ARHGAP32: variants seen among roughly 807,000 people sequenced by gnomAD.
The protein encoded by ARHGAP32 is rho GTPase-activating protein 32.
In ARHGAP32, 51 loss-of-function variants were observed where a neutral mutation model predicts 186.5. That is an observed-to-expected ratio of 0.27 (90% CI 0.22 to 0.35). The LOEUF (loss-of-function observed/expected upper bound fraction) is 0.35. Among genes scored for constraint, ARHGAP32 ranks in the 10% least tolerant of loss-of-function variants. The pLI is 1.00. For missense variants in ARHGAP32, 2,186 were observed against 2,623.5 expected (o/e 0.83, Z 3.64); for synonymous variants, 950 against 964.3 (o/e 0.99, Z 0.27).
intron 2 of ARHGAP32, among the ~76,000 whole-genome samples, chr11:129,131,647 G>C (rs1264146937): frequency 1.3e-5 from 2 of 152,098 alleles, no homozygotes; most frequent in Non-Finnish European, 2.9e-5. Flanking sequence ...CCTTCCCCAT[G>C]ATCCCATCAC....
chr11:129,007,695 G>T (rs571766520), intron 11 of ARHGAP32, among the ~76,000 whole-genome samples: 1 of 152,154 alleles, frequency 6.6e-6, no homozygotes, highest in Non-Finnish European at 1.5e-5. Context: ...GGGGAGAGGT[G>T]GCACAAGCAC....
chr11:129,194,305 A>ACATTATAG (rs1227492158), upstream of ARHGAP32, among the ~76,000 whole-genome samples: 1 of 152,210 alleles, frequency 6.6e-6, no homozygotes, highest in African/African-American at 2.4e-5. Context: ...ATTCTGGTAG[A>ACATTATAG]CATTATAGTA....
chr11:129,167,405 A>C (rs574765847), intron 1 of ARHGAP32, among the ~76,000 whole-genome samples: 58 of 152,318 alleles, frequency 3.8e-4, no homozygotes, highest in African/African-American at 1.4e-3. Context: ...TCTACCAAGA[A>C]CTTGTACATG....
intron 1 of ARHGAP32, among the ~76,000 whole-genome samples, chr11:129,235,675 C>T (rs1205839286): frequency 2.0e-5 from 3 of 151,948 alleles, no homozygotes; most frequent in African/African-American, 7.3e-5. Flanking sequence ...TGCACTGTAC[C>T]CAATGTGTAG....
At position 129,200,421 on chromosome 11, in the gene ARHGAP32, T is replaced by G. The variant is rs187861006; in HGVS notation, c.-4-35994A>C. Among the ~76,000 whole-genome samples, 52 of 152,316 alleles carry G rather than the reference T, an allele frequency of 3.4e-4. No homozygotes were observed. The East Asian group carries it at 9.5e-3, about 28-fold the overall frequency. On this transcript the variant is annotated intron_variant, in intron 1 of 6. Transcript: ENST00000525234. ...TCATGGGGGTGGTTCCCCCATACTT[T>G]TCTCATGGTAGTAAGTAAGTCTCAA...
chr11:129,096,415 T>C (rs1941730036), intron 5 of ARHGAP32, among the ~76,000 whole-genome samples: 1 of 152,040 alleles, frequency 6.6e-6, no homozygotes, highest in African/African-American at 2.4e-5. Context: ...TTTTGACAAC[T>C]CTGGTATCTA....
At chr11:129,191,074 G>A (rs2439795) in intron 1 of ARHGAP32, among the ~76,000 whole-genome samples, 16,961 of 152,018 alleles carry the variant, frequency 0.11, 1,218 homozygotes, top group Non-Finnish European at 0.15. Context: ...ATTTAACCTA[G>A]ACTTTAAAAA....
chr11:129,266,793 G>A (rs7126767), intron 1 of ARHGAP32, among the ~76,000 whole-genome samples: 46,832 of 151,938 alleles, frequency 0.31, 7,557 homozygotes, highest in Middle Eastern at 0.4. Flanking sequence ...CTATGCTAAG[G>A]GCCTAAAGGA....
At chr11:129,009,938 T>C (rs763237856) in intron 11 of ARHGAP32, among the ~76,000 whole-genome samples, 1 of 152,242 alleles carries the variant, frequency 6.6e-6, no homozygotes, top group Non-Finnish European at 1.5e-5. Context: ...CCCACCAACA[T>C]TGTAAAAGTG....
chr11:129,183,662 C>T (rs1944099522), intron 1 of ARHGAP32, among the ~76,000 whole-genome samples: 1 of 152,046 alleles, frequency 6.6e-6, no homozygotes, highest in South Asian at 2.1e-4. Flanking sequence ...AAGTGGAATG[C>T]TTGACCATAT....
intron 12 of ARHGAP32, among the ~76,000 whole-genome samples, chr11:128,996,959 C>T (rs1034536599): frequency 1.3e-5 from 2 of 151,958 alleles, no homozygotes; most frequent in African/African-American, 4.8e-5. Context: ...CTGTATTTTT[C>T]GTAGAGACCA....
intron 10 of ARHGAP32, among the ~76,000 whole-genome samples, chr11:129,060,071 G>T (rs1940427814): frequency 6.6e-6 from 1 of 152,104 alleles, no homozygotes; most frequent in Non-Finnish European, 1.5e-5. Context: ...ACTAGTTTTA[G>T]ACTAGTTAAT....
chr11:129,075,429 A>G (rs997021132), intron 6 of ARHGAP32, among the ~76,000 whole-genome samples: 1 of 152,226 alleles, frequency 6.6e-6, no homozygotes, highest in Non-Finnish European at 1.5e-5. Flanking sequence ...TCAATACTCC[A>G]AGAAGACATA....
At position 129,122,622 on chromosome 11, in the gene ARHGAP32, C is replaced by T. The variant is rs1942560298; in HGVS notation, c.444+824G>A. Among the ~76,000 whole-genome samples, 5 of 152,144 alleles carry T rather than the reference C, an allele frequency of 3.3e-5. No individual in the cohort carries two copies. In the South Asian group the frequency reaches 1.0e-3, roughly 32 times the overall value. ...TCAATTTATTTGAAATAGAAATGTC[C>T]TTCACTTTCATAAATCCTATAGATC... On this transcript the variant is annotated intron_variant, in intron 5 of 22. Transcript: ENST00000682385.
At position 129,247,554 on chromosome 11, in the gene ARHGAP32, G is replaced by GT. The variant is rs1945117576; in HGVS notation, c.-5+31591dup. ...TCAAAGAAATTTATCTTAAAAATATGTTTATTTCATCTTCCAGTTTATATT... is the reference window on the plus strand; with the variant it reads ...TCAAAGAAATTTATCTTAAAAATATGTTTTATTTCATCTTCCAGTTTATATT... On this transcript the variant is annotated intron_variant, in intron 1 of 6. Transcript: ENST00000525234. Among the ~76,000 whole-genome samples the GT allele has an allele frequency of 8.5e-5, 13 of 152,048 alleles. No homozygotes were observed. In the South Asian group the frequency reaches 2.5e-3, roughly 29 times the overall value.
Position 128,973,317 on chromosome 11 carries a change from C to T in ARHGAP32, c.3189G>A (p.Glu1063=), listed in dbSNP as rs1945446594. 1.9e-6 allele frequency: 3 copies of T among 1,614,132 alleles called. No individual in the cohort carries two copies. Among genetic ancestry groups the T allele is most frequent in the Non-Finnish European group, 2.5e-6 (3 of 1,180,034 alleles). The change falls in exon 22 of 23, where the codon GAG becomes GAA. Residue 1063 remains glutamate (E), a synonymous_variant. Transcript: ENST00000682385. ...VARMLALALA[E]SAQQASTQSL... Reference sequence around the variant, plus strand: ...ACTGAGTTGAGGCTTGCTGTGCGGACTCAGCTAATGCTAGCGCCAACATTC... The same window carrying T: ...ACTGAGTTGAGGCTTGCTGTGCGGATTCAGCTAATGCTAGCGCCAACATTC...
At chr11:129,209,313 TAGAG>T (rs1021675459) in intron 1 of ARHGAP32, among the ~76,000 whole-genome samples, 8 of 151,810 alleles carry the variant, frequency 5.3e-5, no homozygotes, top group African/African-American at 1.7e-4. Flanking sequence ...CAAAAGAAGT[TAGAG>T]AGAGGCAAGA....
At chr11:129,194,763 A>G (rs182922341), upstream of ARHGAP32, among the ~76,000 whole-genome samples, 134 of 152,236 alleles carry the variant, frequency 8.8e-4, no homozygotes, top group African/African-American at 3.2e-3. Context: ...CAAAAAAAAA[A>G]GAAGAAAGAA....
At chr11:129,217,142 T>C (rs952400626) in intron 1 of ARHGAP32, among the ~76,000 whole-genome samples, 3 of 152,224 alleles carry the variant, frequency 2.0e-5, no homozygotes, top group African/African-American at 7.2e-5. Context: ...GCTATGTTAT[T>C]TGGAGCATGA....
Sources: allele counts gnomAD v4.1 joint callset (sites outside exome capture counted in the v4.1 genomes callset), GRCh38; gene constraint gnomAD v4.1.1; transcripts MANE v1.5; gene names NCBI Gene and HGNC (gene_info 2026-07-23, HGNC 2026-07-21).